MADD: variants seen among roughly 807,000 people sequenced by gnomAD.
The protein encoded by MADD is MAP kinase activating death domain.
MADD carries 109 observed loss-of-function variants against 176.7 expected under a neutral mutation model. The observed-to-expected ratio is 0.62, with a 90% CI of 0.53 to 0.72. The LOEUF is 0.72. Among genes scored for constraint, MADD ranks in the 30% least tolerant of loss-of-function variants. MADD has a pLI of 0.00. For missense variants in MADD, 1,914 were observed against 2,045.5 expected (o/e 0.94, Z 1.24); for synonymous variants, 771 against 771.3 (o/e 1.00, Z 0.01).
chr11:47,280,200 C>T (rs946906975), intron 7 of MADD, among the ~76,000 whole-genome samples: 4 of 152,226 alleles, frequency 2.6e-5, no homozygotes, highest in African/African-American at 9.6e-5. Context: ...TTCCCTTCCT[C>T]TGCCTTATGT....
At chr11:47,310,275 G>A (rs1251453200) in intron 25 of MADD, among the ~76,000 whole-genome samples, 2 of 150,908 alleles carry the variant, frequency 1.3e-5, no homozygotes, top group South Asian at 2.1e-4. Context: ...TCTGCCTCCC[G>A]GGTTCAAGCA....
exon 8 of MADD, chr11:47,281,727 T>C (rs780766151): frequency 5.6e-6 from 9 of 1,607,490 alleles, no homozygotes; most frequent in Non-Finnish European, 7.7e-6. Flanking sequence ...ATGGCAATGA[T>C]GTGGATTCTG....
At chr11:47,306,306 T>C (rs2082578041) in intron 22 of MADD, among the ~76,000 whole-genome samples, 1 of 152,160 alleles carries the variant, frequency 6.6e-6, no homozygotes, top group African/African-American at 2.4e-5. Flanking sequence ...GTTGGTGGCT[T>C]AGCCTCAGGA....
chr11:47,308,831 C>T (rs2085388752), intron 23 of MADD, 132 bp downstream of exon 25: 2 of 1,010,732 alleles, frequency 2.0e-6, no homozygotes, highest in African/African-American at 1.6e-5. Flanking sequence ...AGTTTTATAC[C>T]TGAAGCAAGC....
chr11:47,327,142 G>T, intron 31 of MADD: 2 of 1,061,880 alleles, frequency 1.9e-6, no homozygotes, highest in Non-Finnish European at 2.3e-6. Flanking sequence ...CGACCCCCAA[G>T]CTCCACTATG....
chr11:47,290,225 C>T (rs559879679), exon 18 of MADD: 1 of 1,614,136 alleles, frequency 6.2e-7, no homozygotes, highest in Non-Finnish European at 8.5e-7. Flanking sequence ...CAGTCCTATG[C>T]CCACGCGGGT....
intron 31 of MADD, chr11:47,328,017 G>A: frequency 1.0e-6 from 1 of 989,848 alleles, no homozygotes. Flanking sequence ...GTACTCGCCT[G>A]TCTTCTGCTG....
chr11:47,301,544 A>G (rs181473582), intron 22 of MADD, among the ~76,000 whole-genome samples: 177 of 152,104 alleles, frequency 1.2e-3, no homozygotes, highest in Non-Finnish European at 2.2e-3. Flanking sequence ...AAATCTTCCT[A>G]CTTTTTTGAT....
chr11:47,302,055 G>T (rs527807767), intron 22 of MADD, among the ~76,000 whole-genome samples: 2 of 152,236 alleles, frequency 1.3e-5, no homozygotes, highest in Middle Eastern at 3.4e-3. Flanking sequence ...TGAGAGTGGG[G>T]TATTGAAGTC....
At chr11:47,301,414 G>C (rs555531763) in intron 22 of MADD, among the ~76,000 whole-genome samples, 1 of 152,008 alleles carries the variant, frequency 6.6e-6, no homozygotes, top group Non-Finnish European at 1.5e-5. Context: ...CACCACGCCC[G>C]GCCTATTTTT....
chr11:47,294,491 G>A (rs770942419), intron 20 of MADD, among the ~76,000 whole-genome samples: 1 of 151,764 alleles, frequency 6.6e-6, no homozygotes, highest in African/African-American at 2.4e-5. Context: ...CCAACGTAGT[G>A]AAACCCCGTC....
intron 31 of MADD, chr11:47,328,112 A>G: frequency 4.0e-6 from 4 of 1,001,368 alleles, no homozygotes; most frequent in Non-Finnish European, 4.8e-6. Context: ...GGACACTGCC[A>G]CATCCTGTGG....
At chr11:47,322,920 A>G (rs1190288211) in intron 27 of MADD, among the ~76,000 whole-genome samples, 1 of 152,050 alleles carries the variant, frequency 6.6e-6, no homozygotes, top group Non-Finnish European at 1.5e-5. Context: ...CAAATACTTT[A>G]AGTCCGTAGA....
chr11:47,269,702 C>A (rs559622900), upstream of MADD: 1 of 151,702 alleles, frequency 6.6e-6, no homozygotes, highest in East Asian at 2.0e-4. Flanking sequence ...TAGGCTCCAC[C>A]GCTCGGCAGC....
At position 47,279,093 on chromosome 11, in the gene MADD, G is replaced by A. The variant is rs138493469; in HGVS notation, c.1290+14G>A. 237 of 1,612,506 alleles carry A rather than the reference G, an allele frequency of 1.5e-4. 2 individuals are homozygous for A. In the South Asian group the frequency reaches 1.7e-3, roughly 12 times the overall value. On this transcript the variant is annotated intron_variant, in intron 7 of 32. Coordinates refer to ENST00000402192, the Ensembl canonical transcript of MADD. ...CATTTAAAGCAGGTAGGTGAAGAAC[G>A]AAGGAAAGAAAGGGGAGTATTAGAT... is the stretch of plus-strand genomic sequence containing the variant.
chr11:47,277,023 T>A (rs916054357), intron 5 of MADD, among the ~76,000 whole-genome samples, 160 bp downstream of exon 5: 1 of 152,222 alleles, frequency 6.6e-6, no homozygotes, highest in African/African-American at 2.4e-5. Flanking sequence ...GTGGCAAGGC[T>A]TATGCTATTT....
Position 47,284,568 on chromosome 11 carries a change from A to C in MADD, c.2157+3A>C, listed in dbSNP as rs373400374. 39 of 1,613,174 alleles carry C rather than the reference A, an allele frequency of 2.4e-5. No individual in the cohort carries two copies. Among genetic ancestry groups the C allele is most frequent in the Non-Finnish European group, 3.2e-5 (38 of 1,179,738 alleles). On this transcript the variant is annotated splice_donor_region_variant and intron_variant, in intron 12 of 32. Transcript: ENST00000402192. ...CTGTCATCCACGGAGCCAACTCTGT[A>C]AGTGAGGAGCGGTGGATGAGTGAGA...
chr11:47,293,229 G>A (rs1323290883), intron 19 of MADD, among the ~76,000 whole-genome samples: 3 of 152,022 alleles, frequency 2.0e-5, no homozygotes, highest in South Asian at 2.1e-4. Context: ...ACCATTAAAT[G>A]GTTTCAGGTA....
At chr11:47,308,860 C>T (rs1230139264) in intron 23 of MADD, 120 bp from the exon 26 acceptor site, 2 of 1,082,880 alleles carry the variant, frequency 1.8e-6, no homozygotes, top group Non-Finnish European at 2.8e-6. Flanking sequence ...GGGTCCAGAA[C>T]AAGCAGTGGG....
Sources: allele counts gnomAD v4.1 joint callset (sites outside exome capture counted in the v4.1 genomes callset), GRCh38; gene constraint gnomAD v4.1.1; transcripts MANE v1.5; gene names NCBI Gene and HGNC (gene_info 2026-07-23, HGNC 2026-07-21).